The following AGBL4 variants were observed in gnomAD, a reference collection of about 807,000 sequenced individuals.
The protein encoded by AGBL4 is cytosolic carboxypeptidase 6.
In AGBL4, 58 loss-of-function variants were observed where a neutral mutation model predicts 66.4. The ratio of observed to expected loss-of-function variants is 0.87; its 90% confidence interval spans 0.71 to 1.09. AGBL4 has a LOEUF of 1.09. Ranked by LOEUF, AGBL4 falls within the 50% of genes least tolerant of loss-of-function variation. The probability of loss-of-function intolerance (pLI) is 0.00; values close to 1 mark genes in which losing one functional copy is unlikely to be tolerated. For synonymous variants in AGBL4, 234 were observed against 222.9 expected, an observed-to-expected ratio of 1.05 and a Z score of -0.44; for missense variants, 579 against 631.0, an observed-to-expected ratio of 0.92 and a Z score of 0.88.
intron 6 of AGBL4, among the ~76,000 whole-genome samples, chr1:48,825,058 G>A (rs1020211225): frequency 6.6e-6 from 1 of 152,220 alleles, no homozygotes; most frequent in African/African-American, 2.4e-5. Context: ...CATGGGAGAT[G>A]CTCATGTTAG....
chr1:48,604,070 T>C (rs903423907), intron 9 of AGBL4, among the ~76,000 whole-genome samples: 4 of 151,810 alleles, frequency 2.6e-5, no homozygotes, highest in Non-Finnish European at 1.5e-5. Context: ...GAGACGGAGG[T>C]TGCAGTGAGC....
chr1:49,275,652 C>A (rs942735959), intron 3 of AGBL4, among the ~76,000 whole-genome samples: 1 of 152,028 alleles, frequency 6.6e-6, no homozygotes, highest in Admixed American at 6.6e-5. Context: ...CTATAGTATA[C>A]CTGTTATTAC....
At chr1:49,519,353 A>G (rs1186196772) in intron 3 of AGBL4, among the ~76,000 whole-genome samples, 1 of 152,084 alleles carries the variant, frequency 6.6e-6, no homozygotes, top group East Asian at 1.9e-4. Flanking sequence ...TTTAATCTAT[A>G]AAACAACTTA....
intron 3 of AGBL4, among the ~76,000 whole-genome samples, chr1:49,598,999 T>G (rs909480097): frequency 2.6e-5 from 4 of 152,200 alleles, no homozygotes; most frequent in Non-Finnish European, 4.4e-5. Context: ...TGGATTTGGT[T>G]TGCCAGTATT....
intron 4 of AGBL4, among the ~76,000 whole-genome samples, chr1:49,207,521 TTC>T (rs1204596980): frequency 3.1e-4 from 47 of 149,300 alleles, no homozygotes; most frequent in Middle Eastern, 3.4e-3. Flanking sequence ...CTTTCTTTCT[TTC>T]TCTCTTTCTT....
chr1:48,732,821 G>A (rs939902514), intron 6 of AGBL4, among the ~76,000 whole-genome samples: 1 of 152,206 alleles, frequency 6.6e-6, no homozygotes, highest in Non-Finnish European at 1.5e-5. Flanking sequence ...AAGCTGAGGA[G>A]TGCTTGGTAG....
At chr1:49,418,750 T>G (rs545299882) in intron 3 of AGBL4, among the ~76,000 whole-genome samples, 1 of 152,304 alleles carries the variant, frequency 6.6e-6, no homozygotes, top group South Asian at 2.1e-4. Context: ...GCAAAGTTCA[T>G]GGGGGAGAAA....
At chr1:49,840,724 A>C (rs1339668678) in intron 2 of AGBL4, among the ~76,000 whole-genome samples, 2 of 152,230 alleles carry the variant, frequency 1.3e-5, no homozygotes, top group Non-Finnish European at 2.9e-5. Flanking sequence ...TATCTACCAC[A>C]TGAACAGAAT....
chr1:49,559,435 T>C (rs1643981568), intron 3 of AGBL4, among the ~76,000 whole-genome samples: 1 of 152,172 alleles, frequency 6.6e-6, no homozygotes, highest in African/African-American at 2.4e-5. Flanking sequence ...GTCAACTTGA[T>C]TGAAGGATGC....
chr1:49,788,046 G>A (rs1644504108), intron 2 of AGBL4, among the ~76,000 whole-genome samples: 1 of 152,176 alleles, frequency 6.6e-6, no homozygotes, highest in African/African-American at 2.4e-5. Flanking sequence ...GCCAGGCAAA[G>A]GCCGGTCACA....
chr1:49,127,484 T>C (rs1480253467), intron 4 of AGBL4, among the ~76,000 whole-genome samples: 1 of 152,074 alleles, frequency 6.6e-6, no homozygotes, highest in Non-Finnish European at 1.5e-5. Context: ...CTGGAGATTC[T>C]GAGGTAATGA....
intron 1 of AGBL4, among the ~76,000 whole-genome samples, chr1:49,883,814 G>A (rs946207088): frequency 3.9e-5 from 6 of 151,904 alleles, no homozygotes; most frequent in Non-Finnish European, 8.8e-5. Flanking sequence ...AAACATGCAT[G>A]TATTGACACA....
At chr1:48,585,801 C>T (rs756508537) in intron 11 of AGBL4, 1 of 152,244 alleles carries the variant, frequency 6.6e-6, no homozygotes, top group South Asian at 2.1e-4. Flanking sequence ...CACCATACCC[C>T]CAACCCTCCC....
At chr1:49,636,237 A>G (rs1645669592) in intron 3 of AGBL4, among the ~76,000 whole-genome samples, 1 of 152,236 alleles carries the variant, frequency 6.6e-6, no homozygotes, top group Non-Finnish European at 1.5e-5. Context: ...GGTAAGTCCA[A>G]GATGAAGGTG....
intron 1 of AGBL4, among the ~76,000 whole-genome samples, chr1:49,853,152 G>A (rs1246474040): frequency 6.6e-6 from 1 of 152,006 alleles, no homozygotes; most frequent in Non-Finnish European, 1.5e-5. Flanking sequence ...AAAATGATAC[G>A]CAGGACCAGA....
intron 2 of AGBL4, among the ~76,000 whole-genome samples, chr1:49,776,523 TCCC>T (rs1644202181): frequency 6.6e-6 from 1 of 152,144 alleles, no homozygotes; most frequent in Non-Finnish European, 1.5e-5. Context: ...AGTCTACTGT[TCCC>T]TTAGGGTATT....
rs1643945490 is a variant in AGBL4, at chr1:48,534,992, T to C, written c.1365-76A>G. The C allele has an allele frequency of 2.3e-6, 3 of 1,323,076 alleles. No individual in the cohort carries two copies. In the East Asian group the frequency reaches 7.5e-5, roughly 33 times the overall value. 82.0% of individuals were successfully genotyped at this position (1,323,076 alleles called of 1,614,324 possible). A position where few individuals can be genotyped will look rare whatever the true frequency, so the allele number is the denominator to read the frequency against. On this transcript the variant is annotated intron_variant, in intron 12 of 13. Transcript: ENST00000371839. Reference sequence around the variant, plus strand: ...ATGGAAGTTGAAGAGGTGCTATTCATCTGTCATTGAAGGATGTTGTTTTTA... The same window carrying C: ...ATGGAAGTTGAAGAGGTGCTATTCACCTGTCATTGAAGGATGTTGTTTTTA...
At chr1:49,040,606 A>ATAC (rs1192888091) in intron 5 of AGBL4, among the ~76,000 whole-genome samples, 1 of 152,120 alleles carries the variant, frequency 6.6e-6, no homozygotes, top group Admixed American at 6.6e-5. Context: ...TTTCAATGGA[A>ATAC]TACTATTCAG....
chr1:49,009,661 A>G (rs1020053593), intron 5 of AGBL4, among the ~76,000 whole-genome samples: 24 of 150,698 alleles, frequency 1.6e-4, no homozygotes, highest in African/African-American at 5.8e-4. Context: ...CCAGCAGCAC[A>G]TCAAAAAGCT....
Sources: allele counts gnomAD v4.1 joint callset (sites outside exome capture counted in the v4.1 genomes callset), GRCh38; gene constraint gnomAD v4.1.1; transcripts MANE v1.5; gene names NCBI Gene and HGNC (gene_info 2026-07-23, HGNC 2026-07-21).